NGF: variants seen among roughly 807,000 people sequenced by gnomAD.
NGF encodes the protein nerve growth factor, also known as beta-nerve growth factor.
Under a neutral mutation model 12.8 loss-of-function variants are expected in NGF, and 4 were observed. The observed-to-expected ratio is 0.31, with a 90% CI of 0.15 to 0.72. The LOEUF (loss-of-function observed/expected upper bound fraction) is 0.72, where lower values mean the gene tolerates loss of function less well. NGF is among the 30% of genes least tolerant of loss of function. NGF has a pLI of 0.69. For synonymous variants in NGF, 140 were observed against 130.0 expected (o/e 1.08, Z -0.52); for missense variants, 283 against 330.8 (o/e 0.86, Z 1.12).
intron 1 of NGF, among the ~76,000 whole-genome samples, chr1:115,323,508 A>G (rs1654684618): frequency 6.6e-6 from 1 of 152,210 alleles, no homozygotes; most frequent in Non-Finnish European, 1.5e-5. Context: ...AGGCAACCTT[A>G]TCATAGCCTC....
intron 1 of NGF, among the ~76,000 whole-genome samples, chr1:115,316,146 A>G (rs184337764): frequency 1.7e-4 from 26 of 152,312 alleles, no homozygotes; most frequent in African/African-American, 6.0e-4. Flanking sequence ...TCAGGGCCCT[A>G]GAGTCTTGTC....
At chr1:115,331,837 G>A (rs1654929845) in intron 1 of NGF, among the ~76,000 whole-genome samples, 1 of 152,142 alleles carries the variant, frequency 6.6e-6, no homozygotes, top group Non-Finnish European at 1.5e-5. Flanking sequence ...TTTATTTTGA[G>A]TCCCCAGAGT....
At chr1:115,303,547 G>A (rs1045353069) in intron 1 of NGF, among the ~76,000 whole-genome samples, 12 of 150,740 alleles carry the variant, frequency 8.0e-5, no homozygotes, top group Middle Eastern at 6.8e-3. Context: ...CACCTCCTCC[G>A]TCATCATCAT....
At position 115,293,657 on chromosome 1, in the gene NGF, C is replaced by A; in HGVS notation, c.-43G>T. The A allele has an allele frequency of 6.5e-6, 1 of 152,870 alleles. No homozygotes were observed. The highest frequency in any genetic ancestry group is 1.5e-5 in the Non-Finnish European group (1 of 68,144). 9.5% of individuals were successfully genotyped at this position (152,870 alleles called of 1,614,324 possible). ...TGTGGCCAGGATAGAAAGCTGCTCC[C>A]TTGGTAAAACTGTTATTGGGTCCGG... is the stretch of plus-strand genomic sequence containing the variant. On this transcript the variant is annotated 5_prime_UTR_variant, in exon 2 of 3. The change creates a new upstream start codon in the 5' untranslated region. Coordinates refer to ENST00000369512, the MANE Select transcript of NGF (RefSeq NM_002506.3).
intron 1 of NGF, among the ~76,000 whole-genome samples, chr1:115,317,600 C>T (rs1053542071): frequency 6.6e-6 from 1 of 152,226 alleles, no homozygotes; most frequent in Non-Finnish European, 1.5e-5. Context: ...CTGTGTTTGT[C>T]ACCCACGTAT....
At chr1:115,304,203 C>A (rs1434489392) in intron 1 of NGF, among the ~76,000 whole-genome samples, 1 of 151,850 alleles carries the variant, frequency 6.6e-6, no homozygotes, top group Non-Finnish European at 1.5e-5. Flanking sequence ...GTAGTTTTTG[C>A]CCAGGCTGTA....
chr1:115,317,329 G>A (rs1654499755), intron 1 of NGF, among the ~76,000 whole-genome samples: 1 of 152,178 alleles, frequency 6.6e-6, no homozygotes, highest in Non-Finnish European at 1.5e-5. Context: ...GAAGCCAATG[G>A]AAAGTTAGTC....
intron 1 of NGF, among the ~76,000 whole-genome samples, chr1:115,325,676 A>G (rs1033046383): frequency 6.6e-6 from 1 of 152,182 alleles, no homozygotes; most frequent in African/African-American, 2.4e-5. Context: ...GGCCTAAAAG[A>G]AAAACAACAG....
At chr1:115,305,049 A>G (rs1654161231) in intron 1 of NGF, among the ~76,000 whole-genome samples, 1 of 152,216 alleles carries the variant, frequency 6.6e-6, no homozygotes, top group South Asian at 2.1e-4. Flanking sequence ...ATTAATAAGG[A>G]TAGAATGACC....
chr1:115,303,166 C>T (rs78505818), intron 1 of NGF, among the ~76,000 whole-genome samples: 7,180 of 152,198 alleles, frequency 0.047, 327 homozygotes, highest in East Asian at 0.1. Flanking sequence ...TTTGCCTGCA[C>T]TGTCCCAAAC....
At chr1:115,293,125 A>T (rs994787105) in intron 2 of NGF, among the ~76,000 whole-genome samples, 1 of 152,138 alleles carries the variant, frequency 6.6e-6, no homozygotes, top group African/African-American at 2.4e-5. Context: ...TATTTTAACA[A>T]TGAGAAACCA....
At chr1:115,323,215 T>C (rs1309907394) in intron 1 of NGF, among the ~76,000 whole-genome samples, 2 of 152,122 alleles carry the variant, frequency 1.3e-5, no homozygotes, top group African/African-American at 4.8e-5. Flanking sequence ...TGACAGCTGC[T>C]TAGAATCTGC....
At chr1:115,337,490 G>A (rs544465984) in intron 1 of NGF, among the ~76,000 whole-genome samples, 3 of 151,942 alleles carry the variant, frequency 2.0e-5, no homozygotes, top group Admixed American at 2.0e-4. Context: ...TGGAGATGAA[G>A]CGTGTGACCC....
intron 1 of NGF, among the ~76,000 whole-genome samples, chr1:115,318,279 C>T (rs1009804146): frequency 1.3e-5 from 2 of 152,222 alleles, no homozygotes; most frequent in Non-Finnish European, 2.9e-5. Context: ...ACACAACCTG[C>T]ACAGCTTTAA....
At chr1:115,287,077 T>C (rs1295750208) in intron 2 of NGF, among the ~76,000 whole-genome samples, 2 of 152,154 alleles carry the variant, frequency 1.3e-5, no homozygotes, top group African/African-American at 2.4e-5. Flanking sequence ...TGCCCAGTAG[T>C]TCGATATGAG....
rs576769806 is a variant in NGF, at chr1:115,305,355, C to T, written c.-136-11605G>A. Among the ~76,000 whole-genome samples, 39 of 152,300 alleles carry T rather than the reference C, an allele frequency of 2.6e-4. 1 individual carries two copies. Among genetic ancestry groups the T allele is most frequent in the African/African-American group, 8.9e-4 (37 of 41,558 alleles). On this transcript the variant is annotated intron_variant, in intron 1 of 2. Transcript: ENST00000369512. ...GAAGGTCACACTGTTGAGTGGGTGG[C>T]ATGATGGACAACAGCCCAGGTCCCT...
At chr1:115,323,442 G>A (rs1275901125) in intron 1 of NGF, among the ~76,000 whole-genome samples, 1 of 152,188 alleles carries the variant, frequency 6.6e-6, no homozygotes, top group Non-Finnish European at 1.5e-5. Context: ...GCTCTCTAAG[G>A]AAGCAGGAAG....
At chr1:115,326,660 A>G (rs373140078) in intron 1 of NGF, among the ~76,000 whole-genome samples, 1 of 152,100 alleles carries the variant, frequency 6.6e-6, no homozygotes, top group Non-Finnish European at 1.5e-5. Flanking sequence ...TCTCTGCTCA[A>G]GTTTATGTGA....
At chr1:115,322,258 A>C (rs1036385916) in intron 1 of NGF, among the ~76,000 whole-genome samples, 4 of 152,120 alleles carry the variant, frequency 2.6e-5, no homozygotes, top group Admixed American at 2.6e-4. Context: ...GTGCTGAATA[A>C]ATTCCTTTCA....
Sources: allele counts gnomAD v4.1 joint callset (sites outside exome capture counted in the v4.1 genomes callset), GRCh38; gene constraint gnomAD v4.1.1; transcripts MANE v1.5; gene names NCBI Gene and HGNC (gene_info 2026-07-23, HGNC 2026-07-21).